The following TMEM131 variants were observed in gnomAD, a reference collection of about 807,000 sequenced individuals.
The protein encoded by TMEM131 is transmembrane protein 131.
Under a neutral mutation model 211.6 loss-of-function variants are expected in TMEM131, and 66 were observed. That is an observed-to-expected ratio of 0.31 (90% CI 0.26 to 0.38). The LOEUF is 0.38. Ranked by LOEUF, TMEM131 falls within the 10% of genes least tolerant of loss-of-function variation. The pLI, the probability that TMEM131 is intolerant of heterozygous loss-of-function variation, is 1.00. For missense variants in TMEM131, 2,036 were observed against 2,299.3 expected (o/e 0.89, Z 2.34); for synonymous variants, 844 against 841.3 (o/e 1.00, Z -0.06).
At chr2:97,879,585 T>G (rs547703195) in intron 4 of TMEM131, among the ~76,000 whole-genome samples, 1 of 152,334 alleles carries the variant, frequency 6.6e-6, no homozygotes, top group South Asian at 2.1e-4. Context: ...GTTTGAACTA[T>G]GAGGGTCCAC....
At chr2:97,882,713 T>C (rs1387860306) in intron 4 of TMEM131, among the ~76,000 whole-genome samples, 3 of 152,202 alleles carry the variant, frequency 2.0e-5, no homozygotes, top group Admixed American at 6.5e-5. Context: ...TATAAACCCA[T>C]GTGCGTGTAT....
Position 97,927,422 on chromosome 2 carries a change from T to A in TMEM131, c.249+4A>T. ...AATAACTTGTCTACTTAAAAAAAAA[T>A]TACCTGTAGTAGCCCTCCATCATCA... On this transcript the variant is annotated splice_donor_region_variant and intron_variant, in intron 2 of 40. Coordinates refer to ENST00000186436, the MANE Select transcript of TMEM131 (RefSeq NM_015348.2). 1.9e-6 allele frequency: 3 copies of A among 1,580,138 alleles called. No individual in the cohort carries two copies. Among genetic ancestry groups the A allele is most frequent in the South Asian group, 1.2e-5 (1 of 82,532 alleles).
intron 17 of TMEM131, 57 bp downstream of exon 17, chr2:97,812,363 TC>T: frequency 1.3e-6 from 2 of 1,533,846 alleles, no homozygotes; most frequent in Non-Finnish European, 1.8e-6. Context: ...GCAATGATCT[TC>T]CACTTGCAGT....
rs186695633 is a variant in TMEM131, at chr2:97,900,395, C to T, written c.290+8263G>A. 2.0e-5 allele frequency among the ~76,000 whole-genome samples: 3 copies of T among 152,128 alleles called. No homozygotes were observed. In the East Asian group the frequency reaches 5.8e-4, roughly 29 times the overall value. On this transcript the variant is annotated intron_variant, in intron 3 of 40. Coordinates refer to ENST00000186436, the MANE Select transcript of TMEM131 (RefSeq NM_015348.2). ...CCATTCTACTCTCTGCTTCTATATT[C>T]TCCATTTAAGTGAGATCATGCATTA...
At chr2:97,842,153 A>G (rs1408722376) in intron 6 of TMEM131, among the ~76,000 whole-genome samples, 1 of 152,186 alleles carries the variant, frequency 6.6e-6, no homozygotes, top group Non-Finnish European at 1.5e-5. Flanking sequence ...TGATTTCTTT[A>G]ATATATTAGA....
intron 35 of TMEM131, chr2:97,764,438 G>T (rs1339264272): frequency 2.6e-5 from 4 of 152,488 alleles, no homozygotes; most frequent in African/African-American, 7.2e-5. Flanking sequence ...GAACATTTTA[G>T]TAACGCTGGC....
At chr2:97,965,270 C>T (rs1159745219) in intron 1 of TMEM131, among the ~76,000 whole-genome samples, 4 of 152,182 alleles carry the variant, frequency 2.6e-5, no homozygotes, top group Non-Finnish European at 5.9e-5. Flanking sequence ...GACGAGTTCT[C>T]CTTCACCGAT....
intron 4 of TMEM131, among the ~76,000 whole-genome samples, chr2:97,885,005 T>C (rs996234682): frequency 2.6e-5 from 4 of 152,240 alleles, no homozygotes; most frequent in African/African-American, 4.8e-5. Flanking sequence ...TTTCTGTGCT[T>C]GGGTGGTTTT....
chr2:97,850,586 GA>G (rs780858711), intron 5 of TMEM131, among the ~76,000 whole-genome samples: 5 of 151,718 alleles, frequency 3.3e-5, no homozygotes, highest in Non-Finnish European at 5.9e-5. Flanking sequence ...TAAAAGATGT[GA>G]AAAAAACATT....
At chr2:97,805,750 TTTC>T in intron 19 of TMEM131, 47 bp from the exon 20 acceptor site, 1 of 1,507,630 alleles carries the variant, frequency 6.6e-7, no homozygotes, top group Non-Finnish European at 8.9e-7. Context: ...ATGGTTAAAT[TTTC>T]TTAAGATCAC....
chr2:97,806,325 C>A (rs900772084), intron 19 of TMEM131, among the ~76,000 whole-genome samples: 1 of 152,066 alleles, frequency 6.6e-6, no homozygotes, highest in African/African-American at 2.4e-5. Flanking sequence ...TCACTTGAGG[C>A]CAGGAGTTCG....
At chr2:97,910,760 G>A (rs992148718) in intron 2 of TMEM131, among the ~76,000 whole-genome samples, 1 of 152,022 alleles carries the variant, frequency 6.6e-6, no homozygotes, top group Admixed American at 6.6e-5. Context: ...CTGCATAAAT[G>A]TCATTATTTC....
intron 31 of TMEM131, among the ~76,000 whole-genome samples, chr2:97,778,447 A>T (rs753075518): frequency 6.6e-6 from 1 of 152,042 alleles, no homozygotes; most frequent in African/African-American, 2.4e-5. Flanking sequence ...GTTACTTGGG[A>T]GGCTGAGGCA....
chr2:97,938,840 G>C (rs1283588740), intron 1 of TMEM131, among the ~76,000 whole-genome samples: 1 of 152,060 alleles, frequency 6.6e-6, no homozygotes, highest in Non-Finnish European at 1.5e-5. Context: ...CTCAGACCAT[G>C]GTGCAATCAA....
At chr2:97,980,698 G>A (rs1324645736) in intron 1 of TMEM131, among the ~76,000 whole-genome samples, 1 of 151,964 alleles carries the variant, frequency 6.6e-6, no homozygotes, top group South Asian at 2.1e-4. Flanking sequence ...AATAAATCAT[G>A]GTATATTCAT....
intron 4 of TMEM131, among the ~76,000 whole-genome samples, chr2:97,881,637 T>C (rs1180226876): frequency 7.1e-6 from 1 of 140,674 alleles, no homozygotes; most frequent in African/African-American, 2.7e-5. Flanking sequence ...AATGGAATTA[T>C]TACAACTGAC....
At position 97,888,138 on chromosome 2, in the gene TMEM131, A is replaced by G. The variant is rs1365447350; in HGVS notation, c.291-18T>C. On this transcript the variant is annotated intron_variant, in intron 3 of 40. Coordinates refer to ENST00000186436, the MANE Select transcript of TMEM131 (RefSeq NM_015348.2). ...GAGATATACTGTAAATAAAAAGAAA[A>G]CAACATAAGAAGCAATTCTTCAAAA... The G allele has an allele frequency of 1.2e-6, 2 of 1,600,266 alleles. No homozygotes were observed. The highest frequency in any genetic ancestry group is 1.7e-6 in the Non-Finnish European group (2 of 1,169,566).
chr2:97,968,861 T>C (rs961422267), intron 1 of TMEM131, among the ~76,000 whole-genome samples: 2 of 151,758 alleles, frequency 1.3e-5, no homozygotes, highest in Admixed American at 6.6e-5. Flanking sequence ...AGTGGGAGGA[T>C]GGTTAGAGGT....
intron 31 of TMEM131, among the ~76,000 whole-genome samples, chr2:97,779,488 G>C (rs1159617356): frequency 4.6e-5 from 7 of 152,206 alleles, no homozygotes; most frequent in African/African-American, 1.7e-4. Flanking sequence ...CCTTAGGGCT[G>C]GGTTCCAGTA....
Sources: allele counts gnomAD v4.1 joint callset (sites outside exome capture counted in the v4.1 genomes callset), GRCh38; gene constraint gnomAD v4.1.1; transcripts MANE v1.5; gene names NCBI Gene and HGNC (gene_info 2026-07-23, HGNC 2026-07-21).